SLC43A1: variants seen among roughly 807,000 people sequenced by gnomAD.
SLC43A1 encodes the protein solute carrier family 43 member 1, also known as large neutral amino acids transporter small subunit 3.
A neutral mutation model predicts 59.5 loss-of-function variants in SLC43A1; 31 were observed. That is an observed-to-expected ratio of 0.52 (90% confidence interval 0.39 to 0.70). The LOEUF (loss-of-function observed/expected upper bound fraction) is 0.70, where lower values mean the gene tolerates loss of function less well. Ranked by LOEUF, SLC43A1 falls within the 30% of genes least tolerant of loss-of-function variation. SLC43A1 has a pLI of 0.00. For synonymous variants in SLC43A1, 259 were observed against 290.9 expected, an observed-to-expected ratio of 0.89 and a Z score of 1.12; for missense variants, 598 against 717.8, an observed-to-expected ratio of 0.83 and a Z score of 1.91.
At chr11:57,509,652 G>GGAAGGAAGGAAGGAAGGAAGGAA (rs1407330222) in intron 2 of SLC43A1, among the ~76,000 whole-genome samples, 1 of 90,340 alleles carries the variant, frequency 1.1e-5, no homozygotes, top group African/African-American at 4.8e-5. Flanking sequence ...GAAGGAAGGA[G>GGAAGGAAGGAAGGAAGGAAGGAA]GGAGGGAGGG....
chr11:57,487,289 C>A (rs779008216), intron 13 of SLC43A1, 71 bp from the exon 14 acceptor site: 419 of 1,557,184 alleles, frequency 2.7e-4, no homozygotes, highest in Non-Finnish European at 3.5e-4. Context: ...CTCCTATCCC[C>A]TCCCCACCAT....
chr11:57,511,476 C>T (rs1414883306), intron 2 of SLC43A1, among the ~76,000 whole-genome samples: 1 of 151,994 alleles, frequency 6.6e-6, no homozygotes, highest in Admixed American at 6.5e-5. Flanking sequence ...GGGTCTCACT[C>T]TGTGGCCCAG....
chr11:57,495,363 G>A (rs1944048045), intron 7 of SLC43A1, among the ~76,000 whole-genome samples: 1 of 151,830 alleles, frequency 6.6e-6, no homozygotes, highest in African/African-American at 2.4e-5. Context: ...GGTGGCGCGT[G>A]CCTGTAATCC....
intron 14 of SLC43A1, among the ~76,000 whole-genome samples, chr11:57,486,635 TA>T (rs1171074117): frequency 7.1e-6 from 1 of 140,336 alleles, no homozygotes; most frequent in Non-Finnish European, 1.5e-5. Flanking sequence ...CCGTCTCTAC[TA>T]AAAATCCAAA....
rs1016871510 is a variant in SLC43A1 at position 57,489,001 on chromosome 11, AAG to A, written c.1336-14_1336-13del. The A allele has an allele frequency of 5.0e-6, 8 of 1,611,880 alleles. No homozygotes were observed. Among genetic ancestry groups the A allele is most frequent in the African/African-American group, 4.0e-5 (3 of 74,868 alleles). On this transcript the variant is annotated splice_polypyrimidine_tract_variant and intron_variant, in intron 12 of 14. Transcript: ENST00000278426. ...ACAAAGGTCACAAACTAAAACCAAAAAGAGAGAGTGAAGAGGTTAGGAGAGTG... is the reference window on the plus strand; with the variant it reads ...ACAAAGGTCACAAACTAAAACCAAAAAGAGAGTGAAGAGGTTAGGAGAGTG...
At position 57,488,764 on chromosome 11, in the gene SLC43A1, A is replaced by T. The variant is rs1590745264; in HGVS notation, c.1409+152T>A. 5.7e-6 allele frequency: 4 copies of T among 700,176 alleles called. No homozygotes were observed. The African/African-American group carries it at 7.1e-5, about 12-fold the overall frequency. 43.4% of individuals were successfully genotyped at this position (700,176 alleles called of 1,614,324 possible). A position where few individuals can be genotyped will look rare whatever the true frequency, so the allele number is the denominator to read the frequency against. On this transcript the variant is annotated intron_variant, in intron 13 of 14. Coordinates refer to ENST00000278426, the MANE Select transcript of SLC43A1 (RefSeq NM_003627.6). ...AACAGGGGGAGTCAATTACAGCAGG[A>T]TAGGCTGCCTTTAAGGAAGTGAGCT...
chr11:57,515,002 C>G lies in SLC43A1; in HGVS notation c.-14+442G>C. On this transcript the variant is annotated intron_variant, in intron 1 of 14. Transcript: ENST00000278426. The surrounding 1 kb of genome is among the most constrained non-coding windows in gnomAD (Gnocchi z 5.3). ...GCAGCCTCGGCGGGAGGAGAGGGAA[C>G]GCGGGCGGCGCGGGGGCGGGGAGCG... The G allele has an allele frequency of 2.0e-6, 2 of 984,002 alleles. No homozygotes were observed. The highest frequency in any genetic ancestry group is 2.4e-6 in the Non-Finnish European group (2 of 828,774). 61.0% of individuals were successfully genotyped at this position (984,002 alleles called of 1,614,324 possible). A position where few individuals can be genotyped will look rare whatever the true frequency, so the allele number is the denominator to read the frequency against.
intron 2 of SLC43A1, among the ~76,000 whole-genome samples, chr11:57,505,369 G>A (rs924713496): frequency 2.0e-5 from 3 of 151,916 alleles, no homozygotes; most frequent in African/African-American, 7.3e-5. Flanking sequence ...AACATTAGCC[G>A]GGTGTAGTGG....
intron 8 of SLC43A1, among the ~76,000 whole-genome samples, chr11:57,493,611 A>AG (rs1204261639): frequency 6.6e-6 from 1 of 152,168 alleles, no homozygotes; most frequent in African/African-American, 2.4e-5. Context: ...TGTGACCAGC[A>AG]GGGGGCAAAA....
chr11:57,509,360 C>A (rs566237661), intron 2 of SLC43A1, among the ~76,000 whole-genome samples: 3 of 151,876 alleles, frequency 2.0e-5, no homozygotes, highest in South Asian at 2.1e-4. Flanking sequence ...GAGGCCAAGG[C>A]GGGTGGATCA....
In SLC43A1 at chr11:57,494,059, C is replaced by T. The variant is rs753285107; in HGVS notation, c.805G>A (p.Glu269Lys). The change falls in exon 8 of 15, where the codon GAG becomes AAG. Residue 269 changes from glutamate to lysine, a missense_variant. Coordinates refer to ENST00000278426, the MANE Select transcript of SLC43A1 (RefSeq NM_003627.6). ...GACATGAAGGCATCCGAACCGTCCTCCAGGCTGGGGGCCTTCTGGCTGAGC... is the reference window on the plus strand; with the variant it reads ...GACATGAAGGCATCCGAACCGTCCTTCAGGCTGGGGGCCTTCTGGCTGAGC... ...QRLSQKAPSL[E>K]DGSDAFMSPQ... 12 of 1,611,470 alleles carry T rather than the reference C, an allele frequency of 7.4e-6. No individual in the cohort carries two copies. The South Asian group carries it at 1.2e-4, about 16-fold the overall frequency.
At chr11:57,501,101 C>T (rs1262701620) in intron 3 of SLC43A1, 51 bp downstream of exon 3, 2 of 1,611,290 alleles carry the variant, frequency 1.2e-6, no homozygotes, top group South Asian at 2.2e-5. Context: ...CCTCCCCTCC[C>T]CCTGCAGCAC....
At chr11:57,492,595 T>G (rs2135162535) in intron 8 of SLC43A1, among the ~76,000 whole-genome samples, 1 of 136,206 alleles carries the variant, frequency 7.3e-6, no homozygotes, top group African/African-American at 2.8e-5. Context: ...CCAGGCATGG[T>G]TGTGCACACC....
rs759303160 is a variant in SLC43A1, at chr11:57,501,159, C to G, written c.325G>C (p.Val109Leu). Reference sequence around the variant, plus strand: ...ATAGCCCAGCCACCTCACCTGCCAACCAGCCGCACGGGTCGGGGGCCAAAG... The same window carrying G: ...ATAGCCCAGCCACCTCACCTGCCAAGCAGCCGCACGGGTCGGGGGCCAAAG... ...DRFGPRPVRL[V>L]GSACFTASCT... The change falls in exon 3 of 15, where the codon GTT becomes CTT. Residue 109 changes from valine to leucine, a missense_variant. Val to Leu is a conservative substitution (Grantham distance 32). Transcript: ENST00000278426. The G allele has an allele frequency of 1.2e-6, 2 of 1,612,586 alleles. No individual in the cohort carries two copies. Among genetic ancestry groups the G allele is most frequent in the Non-Finnish European group, 1.7e-6 (2 of 1,179,836 alleles).
chr11:57,507,875 C>T (rs1944427451), intron 2 of SLC43A1, among the ~76,000 whole-genome samples: 1 of 152,208 alleles, frequency 6.6e-6, no homozygotes, highest in African/African-American at 2.4e-5. Context: ...CATCCGTAGT[C>T]TGAAATTTTA....
intron 7 of SLC43A1, 27 bp downstream of exon 7, chr11:57,496,004 G>C (rs1320760258): frequency 6.2e-7 from 1 of 1,612,212 alleles, no homozygotes; most frequent in Admixed American, 1.7e-5. Context: ...GCCCCAGGGA[G>C]AGTCTCTGCC....
rs1944009597 is a variant in SLC43A1 at position 57,494,105 on chromosome 11, A to G, written c.759T>C (p.His253=). 15 of 1,611,574 alleles carry G rather than the reference A, an allele frequency of 9.3e-6. No homozygotes were observed. Among genetic ancestry groups the G allele is most frequent in the Non-Finnish European group, 1.1e-5 (13 of 1,178,876 alleles). ...HKVTGDLFYT[H]VTTMGQRLSQ... is the part of the protein sequence containing the mutation. The stretch of plus-strand genomic sequence containing the variant: ...TGAGCCTCTGGCCCATGGTGGTCAC[A>G]TGGGTGTAGAAGAGGTCACCTGTCA... Residue 253 remains histidine, a synonymous_variant, in exon 8 of 15, where the codon CAT becomes CAC. Transcript: ENST00000278426.
At chr11:57,505,908 A>G (rs1944382557) in intron 2 of SLC43A1, among the ~76,000 whole-genome samples, 1 of 152,198 alleles carries the variant, frequency 6.6e-6, no homozygotes, top group Non-Finnish European at 1.5e-5. Flanking sequence ...ACCACCTGAG[A>G]GGCTGGCTCT....
intron 2 of SLC43A1, among the ~76,000 whole-genome samples, chr11:57,501,997 C>T (rs1215122927): frequency 5.9e-5 from 9 of 152,174 alleles, no homozygotes; most frequent in East Asian, 3.9e-4. Context: ...TAAAGTATCC[C>T]GTTCCCTAGG....
Sources: allele counts gnomAD v4.1 joint callset (sites outside exome capture counted in the v4.1 genomes callset), GRCh38; gene constraint gnomAD v4.1.1; non-coding constraint Gnocchi (gnomAD v3.1); transcripts MANE v1.5; gene names NCBI Gene and HGNC (gene_info 2026-07-23, HGNC 2026-07-21).